The following NSRP1 variants were observed in gnomAD, a reference collection of about 807,000 sequenced individuals.
The protein encoded by NSRP1 is coiled-coil domain containing 55.
NSRP1 carries 24 observed loss-of-function variants against 54.7 expected under a neutral mutation model. The observed-to-expected ratio is 0.44, with a 90% CI of 0.32 to 0.62. NSRP1 has a LOEUF of 0.62. Among genes scored for constraint, NSRP1 ranks in the 20% least tolerant of loss-of-function variants. The pLI, the probability that NSRP1 is intolerant of heterozygous loss-of-function variation, is 0.06. For synonymous variants in NSRP1, 210 were observed against 213.8 expected (o/e 0.98, Z 0.15); for missense variants, 596 against 651.2 (o/e 0.92, Z 0.92).
intron 2 of NSRP1, among the ~76,000 whole-genome samples, chr17:30,167,136 G>A (rs922863279): frequency 1.2e-4 from 18 of 152,024 alleles, no homozygotes; most frequent in African/African-American, 3.1e-4. Flanking sequence ...GAGAACATAC[G>A]ATATTTATCT....
At chr17:30,159,479 G>A (rs1904433444) in intron 2 of NSRP1, among the ~76,000 whole-genome samples, 1 of 151,322 alleles carries the variant, frequency 6.6e-6, no homozygotes, top group African/African-American at 2.4e-5. Flanking sequence ...TTACCTGATT[G>A]CTTTGGCCAG....
chr17:30,164,797 CA>C (rs1321208725), intron 2 of NSRP1, among the ~76,000 whole-genome samples: 1 of 149,800 alleles, frequency 6.7e-6, no homozygotes, highest in Non-Finnish European at 1.5e-5. Context: ...GACCCTGTCT[CA>C]AAAAAAAAGA....
intron 2 of NSRP1, among the ~76,000 whole-genome samples, chr17:30,152,230 C>T (rs1403724768): frequency 2.0e-5 from 3 of 151,854 alleles, no homozygotes; most frequent in Non-Finnish European, 4.4e-5. Context: ...TCAAGCGATT[C>T]TCCTGCCTCA....
At chr17:30,153,212 C>T (rs530630681) in intron 2 of NSRP1, among the ~76,000 whole-genome samples, 4 of 152,134 alleles carry the variant, frequency 2.6e-5, no homozygotes, top group Admixed American at 1.3e-4. Flanking sequence ...CCACCGTGCC[C>T]GGCCTATTTT....
In NSRP1 at chr17:30,157,775, A is replaced by G. The variant is rs115786341; in HGVS notation, c.115-14767A>G. On this transcript the variant is annotated intron_variant, in intron 2 of 6. Coordinates refer to ENST00000247026, the MANE Select transcript of NSRP1 (RefSeq NM_032141.4). ...GAGGACATGCAATATTTGTCTTTCTATGCCTGGCCTATTTCACTTAAAATA... is the reference window on the plus strand; with the variant it reads ...GAGGACATGCAATATTTGTCTTTCTGTGCCTGGCCTATTTCACTTAAAATA... Among the ~76,000 whole-genome samples the G allele has an allele frequency of 7.2e-3, 1,091 of 152,216 alleles. 10 individuals are homozygous for G. Among genetic ancestry groups the G allele is most frequent in the African/African-American group, 0.025 (1,057 of 41,542 alleles).
chr17:30,169,403 G>A (rs974824575), intron 2 of NSRP1, among the ~76,000 whole-genome samples: 8 of 151,990 alleles, frequency 5.3e-5, no homozygotes, highest in African/African-American at 1.7e-4. Context: ...TCCAGCATTT[G>A]GAGATGTAAT....
intron 2 of NSRP1, chr17:30,128,084 C>T: frequency 2.8e-6 from 1 of 361,772 alleles, no homozygotes; most frequent in Non-Finnish European, 4.9e-6. Context: ...AGTGATCCAC[C>T]TGCTTTGGCC....
At chr17:30,175,646 C>G (rs531407434) in intron 3 of NSRP1, among the ~76,000 whole-genome samples, 70 of 151,978 alleles carry the variant, frequency 4.6e-4, no homozygotes, top group Non-Finnish European at 7.8e-4. Context: ...CTCAGGAGAT[C>G]CGCCCGTCTT....
At chr17:30,136,568 A>G (rs139108239) in intron 2 of NSRP1, among the ~76,000 whole-genome samples, 1 of 152,328 alleles carries the variant, frequency 6.6e-6, no homozygotes, top group East Asian at 1.9e-4. Flanking sequence ...GAAAGTGTCA[A>G]TGAAAACTTT....
chr17:30,152,467 C>G (rs926034328), intron 2 of NSRP1, among the ~76,000 whole-genome samples: 1 of 141,460 alleles, frequency 7.1e-6, no homozygotes, highest in African/African-American at 2.6e-5. Flanking sequence ...TTGGTTTTAG[C>G]TACACAGATT....
intron 2 of NSRP1, among the ~76,000 whole-genome samples, chr17:30,126,467 T>C (rs2071650470): frequency 1.3e-5 from 2 of 152,240 alleles, no homozygotes; most frequent in Non-Finnish European, 2.9e-5. Context: ...TCTTACACTC[T>C]TTACCTTTCT....
intron 2 of NSRP1, among the ~76,000 whole-genome samples, chr17:30,162,825 A>G (rs1434825620): frequency 6.6e-6 from 1 of 152,132 alleles, no homozygotes; most frequent in Non-Finnish European, 1.5e-5. Context: ...TACTTTTTTC[A>G]ATGTCATTAG....
chr17:30,181,026 C>A lies in NSRP1; in HGVS notation c.617+10C>A, dbSNP rs752763498. ...GCTTTCGTGAAGCCAGGTGAGGAGA[C>A]GTGTATGAAATATTTTGAAGAAAAA... On this transcript the variant is annotated intron_variant, in intron 6 of 6. Transcript: ENST00000247026. 2.0e-6 allele frequency: 3 copies of A among 1,508,928 alleles called. No homozygotes were observed. Among genetic ancestry groups the A allele is most frequent in the African/African-American group, 2.7e-5 (2 of 72,794 alleles). The allele number at this position is 1,508,928 out of a possible 1,614,324, so 93.5% of individuals were successfully genotyped here. A position where few individuals can be genotyped will look rare whatever the true frequency, so the allele number is the denominator to read the frequency against.
At chr17:30,133,451 C>T (rs1381763770) in intron 2 of NSRP1, among the ~76,000 whole-genome samples, 2 of 151,004 alleles carry the variant, frequency 1.3e-5, no homozygotes, top group Admixed American at 6.6e-5. Context: ...GTCTCCATGA[C>T]GGGATTAAAA....
intron 6 of NSRP1, among the ~76,000 whole-genome samples, chr17:30,181,856 C>T (rs370886977): frequency 1.1e-4 from 17 of 151,862 alleles, no homozygotes; most frequent in African/African-American, 3.9e-4. Context: ...GTGATCCACC[C>T]GCCTCGGCCT....
At chr17:30,132,412 G>A (rs531191246) in intron 2 of NSRP1, among the ~76,000 whole-genome samples, 1 of 152,026 alleles carries the variant, frequency 6.6e-6, no homozygotes, top group Non-Finnish European at 1.5e-5. Flanking sequence ...AAGTTAGCCA[G>A]TTGTGGTGGC....
At chr17:30,176,518 G>A (rs574192218) in intron 3 of NSRP1, among the ~76,000 whole-genome samples, 1 of 151,974 alleles carries the variant, frequency 6.6e-6, no homozygotes, top group South Asian at 2.1e-4. Flanking sequence ...GCTGAGGCAG[G>A]GGAATCGCTT....
chr17:30,182,690 T>C (rs765210913), intron 6 of NSRP1, among the ~76,000 whole-genome samples: 6 of 151,034 alleles, frequency 4.0e-5, no homozygotes, highest in Non-Finnish European at 7.4e-5. Context: ...ATCCCAGCAC[T>C]TTGGGAGGCC....
intron 3 of NSRP1, among the ~76,000 whole-genome samples, chr17:30,175,435 GT>G (rs1192486344): frequency 4.0e-5 from 6 of 151,338 alleles, no homozygotes; most frequent in South Asian, 2.1e-4. Context: ...GTTTTGTTTT[GT>G]TTTTGTTTTT....
Sources: gnomAD v4.1 joint callset for allele counts (sites outside exome capture counted in the v4.1 genomes callset) on GRCh38, gnomAD v4.1.1 for gene constraint, MANE v1.5 for transcripts, NCBI Gene and HGNC (gene_info 2026-07-23, HGNC 2026-07-21) for gene names.